Variants in PTPRG observed in about 807,000 individuals in gnomAD.
The protein encoded by PTPRG is receptor-type tyrosine-protein phosphatase gamma.
Under a neutral mutation model 165.3 loss-of-function variants are expected in PTPRG, and 102 were observed. The ratio of observed to expected loss-of-function variants is 0.62; its 90% CI spans 0.53 to 0.73. PTPRG has a LOEUF of 0.73. PTPRG is among the 30% of genes least tolerant of loss of function. The pLI is 0.00. For synonymous variants in PTPRG, 675 were observed against 669.5 expected (o/e 1.01, Z -0.13); for missense variants, 1,866 against 1,861.4 (o/e 1.00, Z -0.05).
At chr3:61,705,536 G>A (rs532469170) in intron 1 of PTPRG, among the ~76,000 whole-genome samples, 3 of 152,104 alleles carry the variant, frequency 2.0e-5, no homozygotes, top group South Asian at 2.1e-4. Context: ...ATTTACTGTC[G>A]CCATCACCGC....
intron 4 of PTPRG, among the ~76,000 whole-genome samples, chr3:62,054,380 C>T (rs544655667): frequency 1.3e-5 from 2 of 152,270 alleles, no homozygotes; most frequent in East Asian, 3.9e-4. Flanking sequence ...ATGTGTACGT[C>T]ACCTGTTTGG....
rs1576181937 is a variant in PTPRG, at chr3:62,254,341, G to T, written c.2468-783G>T. Among the ~76,000 whole-genome samples, 1 of 152,152 alleles carries T rather than the reference G, an allele frequency of 6.6e-6. No individual in the cohort carries two copies. The highest frequency in any genetic ancestry group is 6.5e-5 in the Admixed American group (1 of 15,272). On this transcript the variant is annotated intron_variant, in intron 15 of 29. Coordinates refer to ENST00000474889, the MANE Select transcript of PTPRG (RefSeq NM_002841.4). The surrounding 1 kb of genome is among the most constrained non-coding windows in gnomAD (Gnocchi z 4.6). Reference sequence around the variant, plus strand: ...GGAAGAAGGAGGTTGGGGAGCTCCAGTTAGTTGGGTGTGGCTATTTTATAG... The same window carrying T: ...GGAAGAAGGAGGTTGGGGAGCTCCATTTAGTTGGGTGTGGCTATTTTATAG...
At chr3:61,771,201 C>A (rs1383216507) in intron 2 of PTPRG, 6 of 152,078 alleles carry the variant, frequency 3.9e-5, no homozygotes, top group Non-Finnish European at 7.4e-5. Context: ...TCTAATGGAT[C>A]TTTGACACTT....
At chr3:61,729,614 CTTTACT>C (rs1326423728) in intron 1 of PTPRG, among the ~76,000 whole-genome samples, 2 of 152,096 alleles carry the variant, frequency 1.3e-5, no homozygotes, top group African/African-American at 4.8e-5. Context: ...TGAAAATGAG[CTTTACT>C]TTTACACATT....
intron 3 of PTPRG, among the ~76,000 whole-genome samples, chr3:61,997,052 A>G (rs1268936109): frequency 1.3e-5 from 2 of 152,308 alleles, no homozygotes; most frequent in South Asian, 2.1e-4. Flanking sequence ...TTCGTGTCTT[A>G]TATGGTTAAA....
chr3:61,952,946 A>T (rs1344749020), intron 2 of PTPRG, among the ~76,000 whole-genome samples: 2 of 152,214 alleles, frequency 1.3e-5, no homozygotes, highest in Non-Finnish European at 2.9e-5. Flanking sequence ...AGGAACCTTT[A>T]AAAATGGGAA....
intron 1 of PTPRG, among the ~76,000 whole-genome samples, chr3:61,584,936 T>C (rs560381025): frequency 6.6e-6 from 1 of 152,302 alleles, no homozygotes; most frequent in African/African-American, 2.4e-5. Context: ...CCACGTTTCT[T>C]CATAAATTTT....
intron 7 of PTPRG, among the ~76,000 whole-genome samples, chr3:62,162,110 CCA>C (rs201297223): frequency 0.018 from 2,694 of 152,184 alleles, 48 homozygotes; most frequent in South Asian, 0.021. Flanking sequence ...GGTGTCCTGC[CCA>C]AGTCTTGTGG....
Position 62,203,050 on chromosome 3 carries a change from C to T in PTPRG, c.1378-123C>T. On this transcript the variant is annotated intron_variant, in intron 11 of 29. Coordinates refer to ENST00000474889, the MANE Select transcript of PTPRG (RefSeq NM_002841.4). The surrounding 1 kb of genome is among the most constrained non-coding windows in gnomAD (Gnocchi z 6.4). ...TGCCATACATTGGAAAACTCCATAG[C>T]ATAGATGAGTAAAATCCTCAGAGGG... is the stretch of plus-strand genomic sequence containing the variant. 1 of 1,466,970 alleles carries T rather than the reference C, an allele frequency of 6.8e-7. No homozygotes were observed. The highest frequency in any genetic ancestry group is 9.1e-7 in the Non-Finnish European group (1 of 1,104,510). 90.9% of individuals were successfully genotyped at this position (1,466,970 alleles called of 1,614,324 possible). A position where few individuals can be genotyped will look rare whatever the true frequency, so the allele number is the denominator to read the frequency against.
intron 1 of PTPRG, among the ~76,000 whole-genome samples, chr3:61,614,899 C>G (rs995666846): frequency 1.3e-5 from 2 of 152,216 alleles, no homozygotes; most frequent in Non-Finnish European, 2.9e-5. Context: ...GCAGCTCCTT[C>G]TCTTGTACAT....
chr3:62,141,893 T>C (rs900249511), intron 6 of PTPRG, among the ~76,000 whole-genome samples: 1 of 151,312 alleles, frequency 6.6e-6, no homozygotes, highest in Non-Finnish European at 1.5e-5. Context: ...AGGGCAAAAC[T>C]GTCTCAAAAA....
At position 62,296,248 on chromosome 3, in the gene PTPRG, T is replaced by TTA. The variant is rs1703058257; in HGVS notation, c.*2942_*2943dup. On this transcript the variant is annotated 3_prime_UTR_variant, in exon 30 of 30. Coordinates refer to ENST00000474889, the MANE Select transcript of PTPRG (RefSeq NM_002841.4). ...ATTGGTCTTCCTAATTTTTATGCCT[T>TTA]TAGAGTTTTTAGTCTATTCAAGTAG... 1 of 151,874 alleles carries TTA rather than the reference T, an allele frequency of 6.6e-6. No homozygotes were observed. The highest frequency in any genetic ancestry group is 2.4e-5 in the African/African-American group (1 of 41,352). The allele number at this position is 151,874 out of a possible 1,614,324, so 9.4% of individuals were successfully genotyped here. A position where few individuals can be genotyped will look rare whatever the true frequency, so the allele number is the denominator to read the frequency against.
In PTPRG at chr3:62,203,956, T is replaced by C. The variant is rs778423010; in HGVS notation, c.2155+6T>C. On this transcript the variant is annotated splice_donor_region_variant and intron_variant, in intron 12 of 29. Transcript: ENST00000474889. This position sits in a 1 kb window ranked among gnomAD's most constrained non-coding sequence, Gnocchi z 6.4. ...ATTTATCACTGTTAATCCAGGTAAG[T>C]GGTGCAGGTCTTCTTCGAGGGTTCC... 5 of 1,553,612 alleles carry C rather than the reference T, an allele frequency of 3.2e-6. No homozygotes were observed. The highest frequency in any genetic ancestry group is 4.5e-5 in the East Asian group (2 of 44,128).
intron 1 of PTPRG, among the ~76,000 whole-genome samples, chr3:61,662,794 A>ATC (rs1702701850): frequency 6.6e-6 from 1 of 152,148 alleles, no homozygotes; most frequent in African/African-American, 2.4e-5. Context: ...AACAAGGAAG[A>ATC]TCTGTTCCAG....
chr3:61,981,810 A>C (rs1255734231), intron 2 of PTPRG, among the ~76,000 whole-genome samples: 1 of 152,174 alleles, frequency 6.6e-6, no homozygotes, highest in African/African-American at 2.4e-5. Flanking sequence ...AATTCTTATA[A>C]AACATCACCA....
rs571867368 is a variant in PTPRG, at chr3:61,630,408, C to T, written c.85+68036C>T. 2.0e-5 allele frequency among the ~76,000 whole-genome samples: 3 copies of T among 152,254 alleles called. No individual in the cohort carries two copies. In the South Asian group the frequency reaches 6.2e-4, roughly 32 times the overall value. ...AAATAAAACATTTAAGTTTTCTTAG[C>T]GTTTAAAGCACTAAACTGTAACATA... On this transcript the variant is annotated intron_variant, in intron 1 of 29. Transcript: ENST00000474889.
At chr3:61,564,912 T>A (rs1229032758) in intron 1 of PTPRG, among the ~76,000 whole-genome samples, 1 of 152,236 alleles carries the variant, frequency 6.6e-6, no homozygotes, top group African/African-American at 2.4e-5. Context: ...CGCTGGGGGC[T>A]GGAGTTAGCC....
chr3:62,097,767 A>C lies in PTPRG; in HGVS notation c.615+19509A>C, dbSNP rs1288873687. On this transcript the variant is annotated intron_variant, in intron 5 of 29. Coordinates refer to ENST00000474889, the MANE Select transcript of PTPRG (RefSeq NM_002841.4). ...TTTTCTATTATTTTATAAGGTACACAAAGTATATTATTTGTTTTTAGGAAT... is the reference window on the plus strand; with the variant it reads ...TTTTCTATTATTTTATAAGGTACACCAAGTATATTATTTGTTTTTAGGAAT... Among the ~76,000 whole-genome samples, 4 of 152,190 alleles carry C rather than the reference A, an allele frequency of 2.6e-5. No individual in the cohort carries two copies. In the South Asian group the frequency reaches 8.3e-4, roughly 31 times the overall value.
intron 2 of PTPRG, among the ~76,000 whole-genome samples, chr3:61,962,836 A>C (rs1270846922): frequency 6.6e-6 from 1 of 152,198 alleles, no homozygotes; most frequent in African/African-American, 2.4e-5. Context: ...GCTTTGGAGA[A>C]GGAAAGGGAG....
Sources: gnomAD v4.1 joint callset for allele counts (sites outside exome capture counted in the v4.1 genomes callset) on GRCh38, gnomAD v4.1.1 for gene constraint, Gnocchi (gnomAD v3.1) non-coding constraint, MANE v1.5 for transcripts, NCBI Gene and HGNC (gene_info 2026-07-23, HGNC 2026-07-21) for gene names.